PPARGC1A: variants seen among roughly 807,000 people sequenced by gnomAD.
PPARGC1A encodes the protein PPARG coactivator 1 alpha.
A neutral mutation model predicts 88.7 loss-of-function variants in PPARGC1A; 25 were observed. The ratio of observed to expected loss-of-function variants is 0.28; its 90% CI spans 0.21 to 0.39. The LOEUF (loss-of-function observed/expected upper bound fraction) is 0.39, where lower values mean the gene tolerates loss of function less well. Among genes scored for constraint, PPARGC1A ranks in the 10% least tolerant of loss-of-function variants. The pLI is 1.00. For missense variants in PPARGC1A, 880 were observed against 968.7 expected (o/e 0.91, Z 1.22); for synonymous variants, 363 against 355.6 (o/e 1.02, Z -0.24).
the PPARGC1A span, among the ~76,000 whole-genome samples, chr4:24,128,109 G>A: frequency 2.4e-3 from 369 of 152,234 alleles, 7 homozygotes; most frequent in East Asian, 0.049. Flanking sequence ...AGGGACAGAG[G>A]ACGAAGGTCC....
At chr4:24,288,497 T>C in the PPARGC1A span, among the ~76,000 whole-genome samples, 1 of 152,192 alleles carries the variant, frequency 6.6e-6, no homozygotes, top group African/African-American at 2.4e-5. Flanking sequence ...GATGAAAGGC[T>C]CAAAATGAAA....
rs756450275 is a variant in PPARGC1A at position 23,824,318 on chromosome 4, A to G, written c.839T>C (p.Ile280Thr). 1.4e-5 allele frequency: 22 copies of G among 1,613,652 alleles called. No individual in the cohort carries two copies. The East Asian group carries it at 1.6e-4, about 11-fold the overall frequency. ...GAGTTCCACACTTAAGGTGCGTTCA[A>G]TAGTCTTGTTCTCAAATGGGGAACC... ...PKGSPFENKT[I>T]ERTLSVELSG... Residue 280 changes from isoleucine (I) to threonine (T), a missense_variant, in exon 7 of 13, where the codon ATT becomes ACT. Coordinates refer to ENST00000264867, the MANE Select transcript of PPARGC1A (RefSeq NM_013261.5).
intron 2 of PPARGC1A, among the ~76,000 whole-genome samples, chr4:23,859,991 G>C (rs1456581235): frequency 6.6e-6 from 1 of 152,098 alleles, no homozygotes; most frequent in East Asian, 1.9e-4. Context: ...TGAGTAGAAG[G>C]TGGGGCATAG....
the PPARGC1A span, among the ~76,000 whole-genome samples, chr4:24,273,433 G>A: frequency 2.0e-5 from 3 of 152,152 alleles, no homozygotes; most frequent in Non-Finnish European, 4.4e-5. Flanking sequence ...ACACCAGAAA[G>A]AAGAGACTCT....
chr4:24,178,147 A>T, the PPARGC1A span, among the ~76,000 whole-genome samples: 1 of 152,162 alleles, frequency 6.6e-6, no homozygotes, highest in Non-Finnish European at 1.5e-5. Context: ...CATAAATCCT[A>T]TTCATTCATT....
the PPARGC1A span, among the ~76,000 whole-genome samples, chr4:23,940,101 A>C: frequency 9.8e-5 from 15 of 152,322 alleles, 2 homozygotes; most frequent in South Asian, 3.1e-3. Flanking sequence ...AAATGTAATC[A>C]ATGATTTATC....
the PPARGC1A span, among the ~76,000 whole-genome samples, chr4:24,100,028 G>T: frequency 2.0e-5 from 3 of 151,644 alleles, no homozygotes; most frequent in African/African-American, 7.3e-5. Flanking sequence ...TGTAAATGAT[G>T]AGTTAATGGG....
At chr4:23,837,522 A>G (rs1726240964) in intron 2 of PPARGC1A, among the ~76,000 whole-genome samples, 2 of 152,132 alleles carry the variant, frequency 1.3e-5, no homozygotes. Context: ...TCTACCACAG[A>G]CGTTTAGCAC....
chr4:24,311,322 C>T, the PPARGC1A span, among the ~76,000 whole-genome samples: 1,361 of 144,580 alleles, frequency 9.4e-3, 54 homozygotes, highest in South Asian at 0.099. Context: ...AGGATGGTCT[C>T]GATCTCCTGA....
the PPARGC1A span, among the ~76,000 whole-genome samples, chr4:24,172,597 A>C: frequency 1.3e-5 from 2 of 152,216 alleles, no homozygotes; most frequent in Non-Finnish European, 2.9e-5. Flanking sequence ...GGAGGATTAA[A>C]GTCCTAGAAT....
intron 2 of PPARGC1A, among the ~76,000 whole-genome samples, chr4:23,872,193 A>G (rs1484957497): frequency 1.3e-5 from 2 of 152,134 alleles, no homozygotes; most frequent in African/African-American, 4.8e-5. Flanking sequence ...GGTACCAAAC[A>G]GTTCTCATCC....
intron 5 of PPARGC1A, 44 bp downstream of exon 5, chr4:23,828,356 C>A (rs375380550): frequency 5.1e-6 from 8 of 1,557,792 alleles, no homozygotes; most frequent in Non-Finnish European, 7.1e-6. Flanking sequence ...GCTTTCTTTG[C>A]TTCCAGTGCC....
At chr4:24,446,409 G>GT in the PPARGC1A span, among the ~76,000 whole-genome samples, 13 of 152,060 alleles carry the variant, frequency 8.5e-5, no homozygotes, top group African/African-American at 3.1e-4. Context: ...TCTTTAGCCT[G>GT]TTTTTTAATA....
At chr4:24,226,581 G>T in the PPARGC1A span, among the ~76,000 whole-genome samples, 1 of 152,158 alleles carries the variant, frequency 6.6e-6, no homozygotes, top group African/African-American at 2.4e-5. Flanking sequence ...AAGCTATCTC[G>T]CAGCCTTTCG....
the PPARGC1A span, among the ~76,000 whole-genome samples, chr4:24,305,133 GTATA>G: frequency 7.0e-6 from 1 of 142,894 alleles, no homozygotes. Context: ...ATATGTGTAT[GTATA>G]TATATATATA....
At chr4:24,313,378 C>G in the PPARGC1A span, among the ~76,000 whole-genome samples, 1 of 152,154 alleles carries the variant, frequency 6.6e-6, no homozygotes, top group Non-Finnish European at 1.5e-5. Flanking sequence ...AAGATATTTG[C>G]CATGTTCCAG....
the PPARGC1A span, among the ~76,000 whole-genome samples, chr4:24,387,818 A>AAG: frequency 6.2e-5 from 5 of 81,096 alleles, no homozygotes; most frequent in Non-Finnish European, 9.7e-5. Flanking sequence ...GAAAGAAAGA[A>AAG]AGAAAGAGAG....
chr4:24,010,998 G>A, the PPARGC1A span, among the ~76,000 whole-genome samples: 1 of 152,056 alleles, frequency 6.6e-6, no homozygotes, highest in African/African-American at 2.4e-5. Flanking sequence ...GATAATGAGG[G>A]GTAGTGGGTT....
At chr4:24,145,310 C>A in the PPARGC1A span, among the ~76,000 whole-genome samples, 1 of 152,170 alleles carries the variant, frequency 6.6e-6, no homozygotes, top group Admixed American at 6.5e-5. Context: ...GCACTTGTAA[C>A]CCTCATAGCA....
Sources: gnomAD v4.1 joint callset for allele counts (sites outside exome capture counted in the v4.1 genomes callset) on GRCh38, gnomAD v4.1.1 for gene constraint, MANE v1.5 for transcripts, NCBI Gene and HGNC (gene_info 2026-07-23, HGNC 2026-07-21) for gene names.